The following IGSF10 variants were observed in gnomAD, a reference collection of about 807,000 sequenced individuals.
IGSF10 encodes calvaria mechanical force protein 608.
IGSF10 carries 126 observed loss-of-function variants against 128.2 expected under a neutral mutation model. That is an observed-to-expected ratio of 0.98 (90% CI 0.85 to 1.14). The LOEUF (loss-of-function observed/expected upper bound fraction) is 1.14, where lower values mean the gene tolerates loss of function less well. Among genes scored for constraint, IGSF10 ranks in the 50% most tolerant of loss-of-function variants. The pLI, the probability that IGSF10 is intolerant of heterozygous loss-of-function variation, is 0.00. For synonymous variants in IGSF10, 1,185 were observed against 1,146.2 expected (o/e 1.03, Z -0.68); for missense variants, 3,295 against 3,149.8 (o/e 1.05, Z -1.10).
the IGSF10 span, among the ~76,000 whole-genome samples, chr3:151,533,943 TAAAC>T: frequency 6.6e-6 from 1 of 152,076 alleles, no homozygotes; most frequent in African/African-American, 2.4e-5. Context: ...ACAAAGAACT[TAAAC>T]AAATTTACAA....
At chr3:151,473,168 A>T in the IGSF10 span, among the ~76,000 whole-genome samples, 1 of 152,186 alleles carries the variant, frequency 6.6e-6, no homozygotes, top group African/African-American at 2.4e-5. Context: ...CGTTTTCTGT[A>T]CAGGAAAATC....
Position 151,445,307 on chromosome 3 carries a change from A to C in IGSF10, c.4674T>G (p.Val1558=), listed in dbSNP as rs760447726. The change falls in exon 6 of 8, where the codon GTT becomes GTG. Residue 1558 remains valine (V), a synonymous_variant. Coordinates refer to ENST00000282466, the MANE Select transcript of IGSF10 (RefSeq NM_178822.5). ...HSTPMPALTT[V]KSQNSKLTPS... ...GAGTTAATTTAGAATTCTGTGATTT[A>C]ACTGTTGTTAGTGCTGGCATGGGAG... The C allele has an allele frequency of 4.3e-6, 7 of 1,614,208 alleles. No homozygotes were observed. Among genetic ancestry groups the C allele is most frequent in the Non-Finnish European group, 5.9e-6 (7 of 1,180,042 alleles).
chr3:151,603,900 G>A, the IGSF10 span, among the ~76,000 whole-genome samples: 2 of 152,208 alleles, frequency 1.3e-5, no homozygotes, highest in Non-Finnish European at 2.9e-5. Flanking sequence ...GGGATGGTCA[G>A]CCTTGCCTTT....
At chr3:151,607,492 G>A in the IGSF10 span, among the ~76,000 whole-genome samples, 1 of 152,042 alleles carries the variant, frequency 6.6e-6, no homozygotes, top group Non-Finnish European at 1.5e-5. Flanking sequence ...GGCAGACATA[G>A]GTAGATTATA....
chr3:151,532,995 A>C, the IGSF10 span, among the ~76,000 whole-genome samples: 2 of 152,212 alleles, frequency 1.3e-5, no homozygotes, highest in African/African-American at 4.8e-5. Flanking sequence ...ATGTGCAAAA[A>C]TCATAAGCAT....
chr3:151,595,386 C>A, the IGSF10 span, among the ~76,000 whole-genome samples: 1 of 151,866 alleles, frequency 6.6e-6, no homozygotes, highest in Non-Finnish European at 1.5e-5. Flanking sequence ...CCATTGATGG[C>A]TGACTGGATA....
chr3:151,553,973 CA>C, the IGSF10 span, among the ~76,000 whole-genome samples: 2 of 147,352 alleles, frequency 1.4e-5, no homozygotes, highest in East Asian at 2.0e-4. Context: ...ATAACAACAA[CA>C]AAAAAAAAAC....
the IGSF10 span, among the ~76,000 whole-genome samples, chr3:151,526,395 C>T: frequency 7.4e-6 from 1 of 134,582 alleles, no homozygotes; most frequent in South Asian, 2.2e-4. Context: ...GCGTTAATGT[C>T]ATAATCTCAA....
rs1720966405 is a variant in IGSF10 at position 151,443,268 on chromosome 3, C to T, written c.5679G>A (p.Lys1893=). The change falls in exon 7 of 8, where the codon AAG becomes AAA. Residue 1893 remains lysine (K), a synonymous_variant. Coordinates refer to ENST00000282466, the MANE Select transcript of IGSF10 (RefSeq NM_178822.5). ...EVKPLQFTNS[K]LFLFSNGTLY... ...AAGTCCCATTTGAAAATAAGAACAA[C>T]TTGGAATTGGTAAACTGTAATGGTT... is the stretch of plus-strand genomic sequence containing the variant. 3 of 1,611,944 alleles carry T rather than the reference C, an allele frequency of 1.9e-6. No homozygotes were observed. The highest frequency in any genetic ancestry group is 2.5e-6 in the Non-Finnish European group (3 of 1,178,712).
At chr3:151,538,765 A>C in the IGSF10 span, among the ~76,000 whole-genome samples, 2 of 152,226 alleles carry the variant, frequency 1.3e-5, no homozygotes, top group Non-Finnish European at 2.9e-5. Flanking sequence ...TAGTAGTCAC[A>C]GAACAATGTT....
intron 7 of IGSF10, among the ~76,000 whole-genome samples, chr3:151,441,322 A>T (rs1277616277): frequency 6.6e-6 from 1 of 152,242 alleles, no homozygotes; most frequent in African/African-American, 2.4e-5. Context: ...CTTAATAAAG[A>T]TTAATGCAGA....
chr3:151,534,799 G>GTA, the IGSF10 span, among the ~76,000 whole-genome samples: 1 of 134,048 alleles, frequency 7.5e-6, no homozygotes, highest in African/African-American at 2.7e-5. Context: ...AATTTAAAGT[G>GTA]TATGTGTGTG....
the IGSF10 span, among the ~76,000 whole-genome samples, chr3:151,613,450 C>T: frequency 7.4e-3 from 1,123 of 152,290 alleles, 13 homozygotes; most frequent in African/African-American, 0.026. Context: ...GTAACCAAAA[C>T]AGCATGGTAC....
chr3:151,494,728 C>T, the IGSF10 span, among the ~76,000 whole-genome samples: 1 of 152,020 alleles, frequency 6.6e-6, no homozygotes, highest in Non-Finnish European at 1.5e-5. Context: ...ATAGGGCTTA[C>T]TTTTAACTGT....
At chr3:151,439,178 A>G (rs1720680828) in intron 7 of IGSF10, among the ~76,000 whole-genome samples, 1 of 152,246 alleles carries the variant, frequency 6.6e-6, no homozygotes, top group South Asian at 2.1e-4. Context: ...ACCATTTCAC[A>G]TACCAAGTAA....
the IGSF10 span, among the ~76,000 whole-genome samples, chr3:151,499,209 G>A: frequency 6.6e-6 from 1 of 152,006 alleles, no homozygotes; most frequent in African/African-American, 2.4e-5. Flanking sequence ...ATTATACCCT[G>A]AACAATTCCT....
intron 7 of IGSF10, 50 bp from the exon 8 acceptor site, chr3:151,438,647 A>T (rs1720618391): frequency 2.8e-6 from 4 of 1,452,534 alleles, no homozygotes; most frequent in Non-Finnish European, 3.8e-6. Context: ...GCAATGAGGG[A>T]AACTGTTTTA....
chr3:151,521,397 A>G, the IGSF10 span, among the ~76,000 whole-genome samples: 1 of 151,838 alleles, frequency 6.6e-6, no homozygotes, highest in Admixed American at 6.6e-5. Flanking sequence ...CCACCCAAAA[A>G]CAGACTATCA....
chr3:151,597,238 C>T, the IGSF10 span, among the ~76,000 whole-genome samples: 1 of 152,188 alleles, frequency 6.6e-6, no homozygotes, highest in Non-Finnish European at 1.5e-5. Flanking sequence ...GAAATGGACA[C>T]AGATTCTACT....
Sources: gnomAD v4.1 joint callset for allele counts (sites outside exome capture counted in the v4.1 genomes callset) on GRCh38, gnomAD v4.1.1 for gene constraint, MANE v1.5 for transcripts, NCBI Gene and HGNC (gene_info 2026-07-23, HGNC 2026-07-21) for gene names.